Variants in CAMK1D observed in about 807,000 individuals in gnomAD.
CAMK1D encodes the protein calcium/calmodulin-dependent protein kinase type 1D.
A neutral mutation model predicts 47.7 loss-of-function variants in CAMK1D; 9 were observed. The observed-to-expected ratio is 0.19, with a 90% CI of 0.11 to 0.33. The LOEUF (loss-of-function observed/expected upper bound fraction) is 0.33, where lower values mean the gene tolerates loss of function less well. CAMK1D is among the 10% of genes least tolerant of loss of function. CAMK1D has a pLI of 1.00. For synonymous variants in CAMK1D, 184 were observed against 184.9 expected, an observed-to-expected ratio of 0.99 and a Z score of 0.04; for missense variants, 291 against 488.7, an observed-to-expected ratio of 0.60 and a Z score of 3.81.
chr10:12,516,638 T>TG (rs1213582947), intron 1 of CAMK1D, among the ~76,000 whole-genome samples: 5 of 152,344 alleles, frequency 3.3e-5, no homozygotes, highest in Non-Finnish European at 5.9e-5. Flanking sequence ...TCTATATTCT[T>TG]GTTAGCTCTT....
chr10:12,809,056 G>A (rs1462109710), intron 6 of CAMK1D, among the ~76,000 whole-genome samples: 1 of 151,718 alleles, frequency 6.6e-6, no homozygotes, highest in Non-Finnish European at 1.5e-5. Flanking sequence ...GGCAGAGGTT[G>A]CAGTGAGCCA....
intron 1 of CAMK1D, among the ~76,000 whole-genome samples, chr10:12,501,769 G>A (rs1329951863): frequency 6.6e-6 from 1 of 152,140 alleles, no homozygotes; most frequent in East Asian, 1.9e-4. Flanking sequence ...TTAATGCACA[G>A]CACAGCCTCC....
intron 1 of CAMK1D, among the ~76,000 whole-genome samples, chr10:12,351,185 C>T (rs1357771234): frequency 1.3e-5 from 2 of 152,156 alleles, no homozygotes; most frequent in Non-Finnish European, 2.9e-5. Context: ...CTTCTGATTC[C>T]CGGGAAGGCG....
intron 1 of CAMK1D, among the ~76,000 whole-genome samples, chr10:12,422,262 G>A (rs1588468520): frequency 6.6e-6 from 1 of 152,186 alleles, no homozygotes; most frequent in Admixed American, 6.5e-5. Flanking sequence ...GTGTTGAGGG[G>A]CAAACAAGTC....
At chr10:12,743,787 C>G (rs1835542365) in intron 3 of CAMK1D, among the ~76,000 whole-genome samples, 1 of 152,188 alleles carries the variant, frequency 6.6e-6, no homozygotes, top group South Asian at 2.1e-4. Flanking sequence ...CTTTGGGAGG[C>G]CAAGGCAGGC....
chr10:12,810,983 G>C (rs1468172811), intron 6 of CAMK1D, among the ~76,000 whole-genome samples: 1 of 152,232 alleles, frequency 6.6e-6, no homozygotes, highest in African/African-American at 2.4e-5. Flanking sequence ...AGGGGAGAGG[G>C]GAAAAAGGCA....
At chr10:12,556,386 G>C (rs1836761970) in intron 2 of CAMK1D, among the ~76,000 whole-genome samples, 1 of 152,196 alleles carries the variant, frequency 6.6e-6, no homozygotes, top group Admixed American at 6.5e-5. Flanking sequence ...TCACAGTTTT[G>C]TCACTAAGTA....
chr10:12,538,438 G>A (rs1287017990), intron 1 of CAMK1D, among the ~76,000 whole-genome samples: 1 of 152,156 alleles, frequency 6.6e-6, no homozygotes. Context: ...CTGATTGAAC[G>A]GTGAAAATGA....
At chr10:12,462,881 G>A (rs180808231) in intron 1 of CAMK1D, among the ~76,000 whole-genome samples, 6 of 152,270 alleles carry the variant, frequency 3.9e-5, no homozygotes, top group Admixed American at 1.3e-4. Flanking sequence ...TTTCTAACCC[G>A]TTAAGGTAAT....
chr10:12,547,352 G>A (rs553105871), intron 1 of CAMK1D, among the ~76,000 whole-genome samples: 5 of 152,236 alleles, frequency 3.3e-5, no homozygotes, highest in East Asian at 1.9e-4. Context: ...AGAAGAGTGG[G>A]GCACGGGCTC....
At chr10:12,634,228 TC>T (rs1234057610) in intron 2 of CAMK1D, among the ~76,000 whole-genome samples, 1 of 152,218 alleles carries the variant, frequency 6.6e-6, no homozygotes, top group Non-Finnish European at 1.5e-5. Context: ...CCTAGCATCG[TC>T]CTTTCTCACC....
intron 1 of CAMK1D, among the ~76,000 whole-genome samples, chr10:12,447,999 G>A (rs1353367145): frequency 6.6e-6 from 1 of 151,958 alleles, no homozygotes; most frequent in Non-Finnish European, 1.5e-5. Context: ...TTACAGGTGT[G>A]TGCCACTACA....
At chr10:12,786,160 A>T (rs1238720691) in intron 5 of CAMK1D, among the ~76,000 whole-genome samples, 2 of 152,214 alleles carry the variant, frequency 1.3e-5, no homozygotes, top group African/African-American at 4.8e-5. Context: ...TGTGTGTGCC[A>T]TTATGCAATT....
At chr10:12,515,418 CT>C (rs55732103) in intron 1 of CAMK1D, among the ~76,000 whole-genome samples, 27 of 99,000 alleles carry the variant, frequency 2.7e-4, no homozygotes, top group South Asian at 6.7e-4. Context: ...TTTTTTTTTT[CT>C]TTTTTTTTTT....
intron 1 of CAMK1D, among the ~76,000 whole-genome samples, chr10:12,413,554 A>AATG (rs371091433): frequency 4.4e-4 from 1 of 2,298 alleles, no homozygotes. Flanking sequence ...TGATGGTGAT[A>AATG]ATGATGATGA....
rs185337248 is a variant in CAMK1D at position 12,591,250 on chromosome 10, C to T, written c.224+37894C>T. 1.9e-3 allele frequency among the ~76,000 whole-genome samples: 282 copies of T among 152,276 alleles called. 1 individual carries two copies. In the Middle Eastern group the frequency reaches 0.024, roughly 13 times the overall value. On this transcript the variant is annotated intron_variant, in intron 2 of 10. Coordinates refer to ENST00000619168, the MANE Select transcript of CAMK1D (RefSeq NM_153498.4). ...GTCTGCAGCAGCCAGTCCAGGAAAC[C>T]AACCAATAACCCCTGTAGCAATTGG...
chr10:12,737,007 A>G (rs1040264962), intron 3 of CAMK1D, among the ~76,000 whole-genome samples: 12 of 152,206 alleles, frequency 7.9e-5, no homozygotes, highest in African/African-American at 2.2e-4. Flanking sequence ...CCAAGAGAAC[A>G]GCGAGCATCC....
At chr10:12,445,102 T>C (rs1040816347) in intron 1 of CAMK1D, among the ~76,000 whole-genome samples, 2 of 152,240 alleles carry the variant, frequency 1.3e-5, no homozygotes, top group Admixed American at 6.5e-5. Context: ...TGGTATCTTA[T>C]TGCTACAAAG....
chr10:12,393,138 TCTC>T (rs1165608430), intron 1 of CAMK1D, among the ~76,000 whole-genome samples: 1 of 151,910 alleles, frequency 6.6e-6, no homozygotes, highest in African/African-American at 2.4e-5. Context: ...TTCACGCCAT[TCTC>T]CTGCCTCAGC....
Sources: allele counts gnomAD v4.1 joint callset (sites outside exome capture counted in the v4.1 genomes callset), GRCh38; gene constraint gnomAD v4.1.1; transcripts MANE v1.5; gene names NCBI Gene and HGNC (gene_info 2026-07-23, HGNC 2026-07-21).